The following LAMB4 variants were observed in gnomAD, a reference collection of about 807,000 sequenced individuals.
The protein encoded by LAMB4 is laminin subunit beta 4.
A neutral mutation model predicts 199.2 loss-of-function variants in LAMB4; 196 were observed. The ratio of observed to expected loss-of-function variants is 0.98; its 90% CI spans 0.88 to 1.11. The LOEUF (loss-of-function observed/expected upper bound fraction) is 1.11, where lower values mean the gene tolerates loss of function less well. LAMB4 is among the 50% of genes least tolerant of loss of function. The pLI is 0.00. For synonymous variants in LAMB4, 744 were observed against 770.6 expected (o/e 0.97, Z 0.57); for missense variants, 2,080 against 2,171.2 (o/e 0.96, Z 0.83).
chr7:108,073,374 C>G (rs2036598155), intron 17 of LAMB4, among the ~76,000 whole-genome samples: 1 of 152,202 alleles, frequency 6.6e-6, no homozygotes, highest in African/African-American at 2.4e-5. Flanking sequence ...TTATGTTTAC[C>G]AAGTATATTC....
chr7:108,065,715 A>G (rs757842656), intron 21 of LAMB4, 47 bp downstream of exon 21: 2 of 1,489,824 alleles, frequency 1.3e-6, no homozygotes, highest in Non-Finnish European at 1.9e-6. Flanking sequence ...TACAGATTAC[A>G]GTGTGGGATA....
intron 17 of LAMB4, among the ~76,000 whole-genome samples, chr7:108,074,773 G>A (rs762297988): frequency 6.6e-6 from 1 of 152,156 alleles, no homozygotes; most frequent in Admixed American, 6.5e-5. Context: ...ACTAGGCTGA[G>A]AATTATTTTT....
intron 25 of LAMB4, among the ~76,000 whole-genome samples, chr7:108,054,822 G>A (rs1357605251): frequency 8.6e-5 from 13 of 152,040 alleles, no homozygotes. Context: ...CTGAGCCGTG[G>A]CCCAAAACTA....
At position 108,039,712 on chromosome 7, in the gene LAMB4, G is replaced by T. The variant is rs549517132; in HGVS notation, c.4472-2117C>A. Among the ~76,000 whole-genome samples the T allele has an allele frequency of 2.0e-5, 3 of 152,044 alleles. No individual in the cohort carries two copies. In the East Asian group the frequency reaches 5.8e-4, roughly 29 times the overall value. On this transcript the variant is annotated intron_variant, in intron 29 of 33. Coordinates refer to ENST00000388781, the MANE Select transcript of LAMB4 (RefSeq NM_007356.3). The stretch of plus-strand genomic sequence containing the variant: ...TCACACTCCTGAACTCATGTGATCC[G>T]CCTGCCTCGGCCTCCCAAAGTGCTG...
downstream of LAMB4, among the ~76,000 whole-genome samples, chr7:108,022,660 G>T (rs1031937317): frequency 1.3e-5 from 2 of 152,044 alleles, no homozygotes; most frequent in Non-Finnish European, 2.9e-5. Context: ...GAGCTTTCTG[G>T]GGTGGTCCTT....
the LAMB4 span, among the ~76,000 whole-genome samples, chr7:108,011,707 C>CCA: frequency 1.3e-5 from 2 of 151,926 alleles, no homozygotes; most frequent in East Asian, 3.9e-4. Context: ...GCGTGAGCCA[C>CCA]TGCACTCGGC....
intron 20 of LAMB4, among the ~76,000 whole-genome samples, 169 bp from the exon 21 acceptor site, chr7:108,066,088 G>A (rs368471962): frequency 6.6e-6 from 1 of 152,134 alleles, no homozygotes; most frequent in Non-Finnish European, 1.5e-5. Flanking sequence ...AAGTCTCAAC[G>A]TATGGTCAAT....
chr7:108,041,015 T>C (rs1018994903), intron 29 of LAMB4, among the ~76,000 whole-genome samples: 1 of 151,808 alleles, frequency 6.6e-6, no homozygotes, highest in South Asian at 2.1e-4. Context: ...CTGACAAAGG[T>C]CTAATATCCA....
chr7:108,053,480 C>T (rs1355690598), intron 25 of LAMB4, among the ~76,000 whole-genome samples: 1 of 152,094 alleles, frequency 6.6e-6, no homozygotes, highest in African/African-American at 2.4e-5. Context: ...GGCAAAGGAG[C>T]ATAAAGAGGT....
rs867989804 is a variant in LAMB4, at chr7:108,111,943, C to T, written c.196G>A (p.Glu66Lys). The T allele has an allele frequency of 3.1e-6, 5 of 1,597,408 alleles. No homozygotes were observed. The highest frequency in any genetic ancestry group is 4.3e-6 in the Non-Finnish European group (5 of 1,174,514). Residue 66 changes from glutamate (E) to lysine (K), a missense_variant, in exon 4 of 34, where the codon GAA becomes AAA. By Grantham distance (56) the Glu-to-Lys change is moderately conservative. Transcript: ENST00000388781. The part of the protein sequence containing the change: ...KYCILSYLEG[E>K]QKCFICDSRF... ...GAGTCACAGATGAAGCATTTTTGTT[C>T]CCCCTGGAAAACACCATTATTAAAA... is the stretch of plus-strand genomic sequence containing the variant.
chr7:108,067,932 TA>T, intron 19 of LAMB4, 83 bp downstream of exon 19: 1 of 1,547,724 alleles, frequency 6.5e-7, no homozygotes, highest in Non-Finnish European at 8.9e-7. Context: ...TCCTTCCCAT[TA>T]AAACCCCCCT....
At chr7:108,045,991 G>A (rs1353281669) in intron 28 of LAMB4, among the ~76,000 whole-genome samples, 24 of 151,928 alleles carry the variant, frequency 1.6e-4, no homozygotes, top group Admixed American at 1.4e-3. Context: ...CCCAAGCTTG[G>A]CCCTCTATCC....
chr7:108,049,290 C>T, intron 27 of LAMB4, 36 bp downstream of exon 27: 1 of 1,182,842 alleles, frequency 8.5e-7, no homozygotes, highest in Non-Finnish European at 1.2e-6. Flanking sequence ...AAGTAAAAAC[C>T]ACAAATGCTT....
chr7:108,123,147 G>C lies in LAMB4; in HGVS notation c.18C>G (p.Thr6=). 1 of 1,610,610 alleles carries C rather than the reference G, an allele frequency of 6.2e-7. No homozygotes were observed. Among genetic ancestry groups the C allele is most frequent in the Non-Finnish European group, 8.5e-7 (1 of 1,179,072 alleles). ...AATACTCACCAAGGTGCAAAAAAAG[G>C]GTCAGTTGAAATTGCATTCTTTTGT... MQFQL[T]LFLHLGWLSY... is the part of the protein sequence containing the mutation. The change falls in exon 2 of 34, where the codon ACC becomes ACG. Residue 6 remains threonine (T), a synonymous_variant. Coordinates refer to ENST00000388781, the MANE Select transcript of LAMB4 (RefSeq NM_007356.3).
At chr7:108,012,238 A>G in the LAMB4 span, among the ~76,000 whole-genome samples, 1 of 152,092 alleles carries the variant, frequency 6.6e-6, no homozygotes, top group Non-Finnish European at 1.5e-5. Flanking sequence ...CTAATTTTCT[A>G]TTTCTATAAA....
intron 13 of LAMB4, 27 bp downstream of exon 13, chr7:108,092,310 T>C (rs1031293439): frequency 1.9e-6 from 3 of 1,555,798 alleles, no homozygotes; most frequent in African/African-American, 2.7e-5. Context: ...AAATAAGGAA[T>C]ATTGCTATAA....
chr7:108,066,436 G>A lies in LAMB4; in HGVS notation c.2611C>T (p.Leu871Phe), dbSNP rs1337122160. The A allele has an allele frequency of 2.5e-6, 4 of 1,614,088 alleles. No individual in the cohort carries two copies. The South Asian group carries it at 3.3e-5, about 13-fold the overall frequency. The change falls in exon 20 of 34, where the codon CTT (leucine) becomes TTT (phenylalanine). Residue 871 changes from leucine to phenylalanine, a missense_variant. Transcript: ENST00000388781. ...HPCPCNRFAE[L>F]CDPETGSCFN... ...CATGACCCTGTCTCAGGATCACAAA[G>A]TTCAGCAAACCTATTACAAGGGCAA...
At chr7:108,038,123 A>G (rs969627868) in intron 29 of LAMB4, among the ~76,000 whole-genome samples, 8 of 152,228 alleles carry the variant, frequency 5.3e-5, no homozygotes, top group African/African-American at 1.9e-4. Flanking sequence ...GTGAGACAAT[A>G]CAGAGTAAAG....
intron 32 of LAMB4, among the ~76,000 whole-genome samples, chr7:108,030,353 C>T (rs956277403): frequency 6.6e-6 from 1 of 152,208 alleles, no homozygotes; most frequent in Non-Finnish European, 1.5e-5. Context: ...TAATGGCCCA[C>T]TTTCCACAAC....
Sources: gnomAD v4.1 joint callset for allele counts (sites outside exome capture counted in the v4.1 genomes callset) on GRCh38, gnomAD v4.1.1 for gene constraint, MANE v1.5 for transcripts, NCBI Gene and HGNC (gene_info 2026-07-23, HGNC 2026-07-21) for gene names.